Variants in LRRTM4 observed in about 807,000 individuals in gnomAD.
The protein encoded by LRRTM4 is leucine rich repeat transmembrane neuronal 4.
A neutral mutation model predicts 47.6 loss-of-function variants in LRRTM4; 25 were observed. The observed-to-expected ratio is 0.53, with a 90% CI of 0.38 to 0.73. LRRTM4 has a LOEUF of 0.73. Ranked by LOEUF, LRRTM4 falls within the 30% of genes least tolerant of loss-of-function variation. LRRTM4 has a pLI of 0.00. For synonymous variants in LRRTM4, 311 were observed against 269.5 expected, an observed-to-expected ratio of 1.15 and a Z score of -1.51; for missense variants, 638 against 713.4, an observed-to-expected ratio of 0.89 and a Z score of 1.20.
At chr2:76,885,336 T>C (rs1349849554) in intron 3 of LRRTM4, among the ~76,000 whole-genome samples, 1 of 152,118 alleles carries the variant, frequency 6.6e-6, no homozygotes, top group Non-Finnish European at 1.5e-5. Flanking sequence ...CCTATCTTAC[T>C]TATCCTTGTT....
chr2:77,391,662 T>C (rs1421536232), intron 3 of LRRTM4, among the ~76,000 whole-genome samples: 1 of 151,996 alleles, frequency 6.6e-6, no homozygotes. Context: ...TCAACCCAAA[T>C]GTCCATTGCA....
At chr2:76,899,011 G>A (rs1359740964) in intron 3 of LRRTM4, among the ~76,000 whole-genome samples, 1 of 151,942 alleles carries the variant, frequency 6.6e-6, no homozygotes, top group Non-Finnish European at 1.5e-5. Flanking sequence ...CAAATCAGTA[G>A]AGAAAGGAAG....
intron 3 of LRRTM4, among the ~76,000 whole-genome samples, chr2:77,008,384 G>A (rs983905313): frequency 5.3e-5 from 8 of 152,072 alleles, no homozygotes; most frequent in African/African-American, 1.9e-4. Context: ...GAATCATGGA[G>A]ATATCACAGA....
chr2:76,951,744 A>T (rs571983377), intron 3 of LRRTM4, among the ~76,000 whole-genome samples: 1 of 151,622 alleles, frequency 6.6e-6, no homozygotes, highest in African/African-American at 2.4e-5. Flanking sequence ...TAAGCCCCGC[A>T]TGCATTAGGT....
intron 3 of LRRTM4, chr2:77,516,960 G>A: frequency 1.0e-6 from 1 of 984,906 alleles, no homozygotes; most frequent in Non-Finnish European, 1.2e-6. Flanking sequence ...ACTAGCATTA[G>A]AAAGGGCAAC....
chr2:77,428,115 A>G (rs1424757484), intron 3 of LRRTM4, among the ~76,000 whole-genome samples: 1 of 152,152 alleles, frequency 6.6e-6, no homozygotes, highest in African/African-American at 2.4e-5. Flanking sequence ...TCCTGCCACC[A>G]TGTGAAGAAG....
intron 3 of LRRTM4, among the ~76,000 whole-genome samples, chr2:77,088,070 G>C (rs540087050): frequency 4.6e-5 from 7 of 152,328 alleles, no homozygotes; most frequent in African/African-American, 1.7e-4. Flanking sequence ...CACTGAGCTA[G>C]CTACAGCTTC....
At chr2:77,431,885 C>A (rs1225950940) in intron 3 of LRRTM4, among the ~76,000 whole-genome samples, 1 of 149,850 alleles carries the variant, frequency 6.7e-6, no homozygotes, top group Non-Finnish European at 1.5e-5. Flanking sequence ...ACCATCCTGG[C>A]CAACATGGGG....
At chr2:76,969,785 T>C (rs911271708) in intron 3 of LRRTM4, among the ~76,000 whole-genome samples, 9 of 151,980 alleles carry the variant, frequency 5.9e-5, no homozygotes, top group Admixed American at 2.0e-4. Flanking sequence ...ACCAATGTTA[T>C]CTTCATTAAA....
intron 3 of LRRTM4, among the ~76,000 whole-genome samples, chr2:76,929,013 G>A (rs950479348): frequency 5.9e-5 from 9 of 152,088 alleles, no homozygotes; most frequent in Non-Finnish European, 1.2e-4. Context: ...CTGTTACAAA[G>A]GTGAGCAGAT....
At chr2:77,066,216 G>A (rs757627277) in intron 3 of LRRTM4, among the ~76,000 whole-genome samples, 42 of 151,856 alleles carry the variant, frequency 2.8e-4, no homozygotes, top group Non-Finnish European at 3.2e-4. Context: ...CTATTTTTGT[G>A]ACCTTCAATA....
At chr2:77,146,813 C>T (rs1335192582) in intron 3 of LRRTM4, among the ~76,000 whole-genome samples, 2 of 152,084 alleles carry the variant, frequency 1.3e-5, no homozygotes, top group African/African-American at 4.8e-5. Context: ...AGTGAAGCAA[C>T]TTATGCAGAC....
At chr2:76,818,609 T>A (rs1488269989) in intron 3 of LRRTM4, among the ~76,000 whole-genome samples, 2 of 151,772 alleles carry the variant, frequency 1.3e-5, no homozygotes, top group African/African-American at 4.8e-5. Flanking sequence ...TATGTCTAAT[T>A]AATATTTAAG....
chr2:76,997,801 C>T (rs1677254872), intron 3 of LRRTM4, among the ~76,000 whole-genome samples: 1 of 152,112 alleles, frequency 6.6e-6, no homozygotes, highest in Non-Finnish European at 1.5e-5. Context: ...TCTGTATCTA[C>T]AGCTGCTCCC....
chr2:77,500,617 A>G (rs2222909), intron 3 of LRRTM4, among the ~76,000 whole-genome samples: 6,888 of 151,692 alleles, frequency 0.045, 333 homozygotes, highest in Admixed American at 0.16. Context: ...TGACTTATAA[A>G]TGAAAATCAA....
At chr2:77,234,797 T>C (rs1675059849) in intron 3 of LRRTM4, among the ~76,000 whole-genome samples, 1 of 152,132 alleles carries the variant, frequency 6.6e-6, no homozygotes, top group Non-Finnish European at 1.5e-5. Flanking sequence ...AGTGCAGGTT[T>C]GTTATCTAGG....
chr2:77,217,446 T>TATATATATATATATATATATATAC (rs1674486542), intron 3 of LRRTM4, among the ~76,000 whole-genome samples: 1 of 130,692 alleles, frequency 7.7e-6, no homozygotes, highest in African/African-American at 3.1e-5. Flanking sequence ...ATGAAATATA[T>TATATATATATATATATATATATAC]ATATATATAT....
intron 3 of LRRTM4, among the ~76,000 whole-genome samples, chr2:77,342,303 T>C (rs747481508): frequency 9.9e-5 from 15 of 151,950 alleles, no homozygotes; most frequent in Admixed American, 7.9e-4. Context: ...TGGAGATATT[T>C]TGGGTTATTA....
At chr2:77,223,909 C>T (rs1674723091) in intron 3 of LRRTM4, among the ~76,000 whole-genome samples, 1 of 152,132 alleles carries the variant, frequency 6.6e-6, no homozygotes, top group African/African-American at 2.4e-5. Context: ...CAAGACAATC[C>T]TAAGCCAAAA....
Sources: allele counts gnomAD v4.1 joint callset (sites outside exome capture counted in the v4.1 genomes callset), GRCh38; gene constraint gnomAD v4.1.1; transcripts MANE v1.5; gene names NCBI Gene and HGNC (gene_info 2026-07-23, HGNC 2026-07-21).